The following BTG4 variants were observed in gnomAD, a reference collection of about 807,000 sequenced individuals.
The protein encoded by BTG4 is protein BTG4.
A neutral mutation model predicts 19.3 loss-of-function variants in BTG4; 10 were observed. The ratio of observed to expected loss-of-function variants is 0.52; its 90% CI spans 0.32 to 0.88. BTG4 has a LOEUF of 0.88. Among genes scored for constraint, BTG4 ranks in the 40% least tolerant of loss-of-function variants. BTG4 has a pLI of 0.04. For missense variants in BTG4, 238 were observed against 281.9 expected, an observed-to-expected ratio of 0.84 and a Z score of 1.11; for synonymous variants, 91 against 95.7, an observed-to-expected ratio of 0.95 and a Z score of 0.29.
intron 1 of BTG4, among the ~76,000 whole-genome samples, chr11:111,506,516 T>C (rs530353131): frequency 6.6e-6 from 1 of 152,188 alleles, no homozygotes; most frequent in East Asian, 1.9e-4. Context: ...ACCTACTGGA[T>C]ACAATGCCTA....
chr11:111,482,572 CTG>C lies in BTG4; in HGVS notation c.662+12589_662+12590del, dbSNP rs147199405. Among the ~76,000 whole-genome samples the C allele has an allele frequency of 3.0e-4, 46 of 152,232 alleles. No homozygotes were observed. The East Asian group carries it at 7.3e-3, about 24-fold the overall frequency. On this transcript the variant is annotated intron_variant, in intron 5 of 5. Transcript: ENST00000356018. ...ATTTACACAGCTACAGTAATCAAAA[CTG>C]TGTGGTGTTGGCAGAAGAATAAACA... is the stretch of plus-strand genomic sequence containing the variant.
downstream of BTG4, among the ~76,000 whole-genome samples, chr11:111,466,015 C>T (rs187633413): frequency 2.6e-5 from 4 of 152,246 alleles, no homozygotes; most frequent in East Asian, 3.9e-4. Context: ...TAAGGGTTCC[C>T]AGCCCCACTT....
intron 5 of BTG4, among the ~76,000 whole-genome samples, chr11:111,471,596 A>T (rs1864067044): frequency 2.6e-5 from 4 of 151,950 alleles, no homozygotes; most frequent in Admixed American, 2.6e-4. Context: ...CGGCCTCTTA[A>T]TGTTGGAGGG....
At chr11:111,452,896 G>A in the BTG4 span, among the ~76,000 whole-genome samples, 2 of 152,170 alleles carry the variant, frequency 1.3e-5, no homozygotes, top group South Asian at 4.1e-4. Flanking sequence ...TTAATATAAT[G>A]TGGTCCCTGT....
chr11:111,421,545 C>T, the BTG4 span, among the ~76,000 whole-genome samples: 2 of 152,212 alleles, frequency 1.3e-5, no homozygotes, highest in African/African-American at 2.4e-5. Flanking sequence ...ACCTTAGAGG[C>T]ATAGACCTGC....
At chr11:111,451,320 T>A in the BTG4 span, 2,799 of 427,728 alleles carry the variant, frequency 6.5e-3, 21 homozygotes, top group Non-Finnish European at 8.8e-3. Context: ...GTCCCAGCTC[T>A]ATGAGCAAAG....
At chr11:111,459,119 G>T in the BTG4 span, among the ~76,000 whole-genome samples, 2 of 152,078 alleles carry the variant, frequency 1.3e-5, no homozygotes, top group African/African-American at 4.8e-5. Context: ...GTGGGAGCCT[G>T]TAATCTCAGC....
the BTG4 span, among the ~76,000 whole-genome samples, chr11:111,390,392 G>A: frequency 6.6e-6 from 1 of 152,334 alleles, no homozygotes; most frequent in South Asian, 2.1e-4. Flanking sequence ...GTAGAGGAGA[G>A]GCAGCCAGAA....
downstream of BTG4, among the ~76,000 whole-genome samples, chr11:111,463,725 A>G (rs1432847483): frequency 3.9e-5 from 6 of 152,184 alleles, no homozygotes; most frequent in Admixed American, 3.9e-4. Flanking sequence ...TGGGCCAAGG[A>G]TCTGGGTGCA....
At chr11:111,510,954 T>C (rs1866853425) in intron 1 of BTG4, among the ~76,000 whole-genome samples, 1 of 152,226 alleles carries the variant, frequency 6.6e-6, no homozygotes, top group South Asian at 2.1e-4. Flanking sequence ...TAAAAGTGAC[T>C]AACAATTTGG....
the BTG4 span, among the ~76,000 whole-genome samples, chr11:111,394,957 C>T: frequency 6.6e-6 from 1 of 152,174 alleles, no homozygotes; most frequent in Non-Finnish European, 1.5e-5. Context: ...GAGTCCTCTC[C>T]CCCTCAGAAG....
At chr11:111,465,851 G>A (rs1238212783), downstream of BTG4, among the ~76,000 whole-genome samples, 1 of 152,026 alleles carries the variant, frequency 6.6e-6, no homozygotes, top group Non-Finnish European at 1.5e-5. Flanking sequence ...CCTAATTTTG[G>A]CTTTTGGCTA....
At chr11:111,465,184 TC>T (rs1338419476), downstream of BTG4, among the ~76,000 whole-genome samples, 4 of 152,038 alleles carry the variant, frequency 2.6e-5, no homozygotes, top group East Asian at 7.7e-4. Flanking sequence ...CTCACACACA[TC>T]CCAAGTGGAA....
At chr11:111,473,813 A>T (rs1161399520) in intron 5 of BTG4, among the ~76,000 whole-genome samples, 1 of 152,152 alleles carries the variant, frequency 6.6e-6, no homozygotes, top group Non-Finnish European at 1.5e-5. Flanking sequence ...GCCCCCATTC[A>T]TCAAGCTGGA....
the BTG4 span, chr11:111,455,306 G>A: frequency 3.1e-6 from 1 of 317,560 alleles, no homozygotes; most frequent in Non-Finnish European, 6.3e-6. Flanking sequence ...TTCCCAAGGT[G>A]AGTGGGGTGT....
At chr11:111,395,291 C>G in the BTG4 span, among the ~76,000 whole-genome samples, 2 of 152,342 alleles carry the variant, frequency 1.3e-5, no homozygotes, top group East Asian at 1.9e-4. Flanking sequence ...TCCACAGCCC[C>G]GGTGGACTGT....
the BTG4 span, among the ~76,000 whole-genome samples, chr11:111,420,554 G>C: frequency 2.4e-4 from 36 of 152,366 alleles, no homozygotes; most frequent in African/African-American, 7.9e-4. Context: ...TCTCACAAGA[G>C]TTAAGCCTCA....
the BTG4 span, chr11:111,401,072 A>AC: frequency 6.7e-6 from 1 of 149,414 alleles, no homozygotes; most frequent in Non-Finnish European, 1.5e-5. Context: ...AAAAAAAAAA[A>AC]AAAAAAAAAC....
the BTG4 span, among the ~76,000 whole-genome samples, chr11:111,409,771 C>A: frequency 2.0e-5 from 3 of 152,134 alleles, no homozygotes; most frequent in Non-Finnish European, 1.5e-5. Context: ...ATTGGGATTT[C>A]CTATCTTTTG....
Sources: gnomAD v4.1 joint callset for allele counts (sites outside exome capture counted in the v4.1 genomes callset) on GRCh38, gnomAD v4.1.1 for gene constraint, MANE v1.5 for transcripts, NCBI Gene and HGNC (gene_info 2026-07-23, HGNC 2026-07-21) for gene names.